Variants in PLXNA2 observed in about 807,000 individuals in gnomAD.
The protein encoded by PLXNA2 is plexin-A2.
A neutral mutation model predicts 193.5 loss-of-function variants in PLXNA2; 91 were observed. The ratio of observed to expected loss-of-function variants is 0.47; its 90% CI spans 0.40 to 0.56. The LOEUF (loss-of-function observed/expected upper bound fraction) is 0.56, where lower values mean the gene tolerates loss of function less well. Ranked by LOEUF, PLXNA2 falls within the 20% of genes least tolerant of loss-of-function variation. The pLI, the probability that PLXNA2 is intolerant of heterozygous loss-of-function variation, is 0.00. For synonymous variants in PLXNA2, 997 were observed against 1,027.3 expected (o/e 0.97, Z 0.56); for missense variants, 1,995 against 2,503.2 (o/e 0.80, Z 4.33).
chr1:208,226,966 A>G (rs1157130544), intron 1 of PLXNA2, among the ~76,000 whole-genome samples: 1 of 152,248 alleles, frequency 6.6e-6, no homozygotes, highest in Non-Finnish European at 1.5e-5. Flanking sequence ...CCTTCTGTGC[A>G]AACGGAGTCC....
intron 4 of PLXNA2, among the ~76,000 whole-genome samples, chr1:208,128,518 AC>A (rs869212763): frequency 2.9e-5 from 3 of 104,046 alleles, no homozygotes; most frequent in Non-Finnish European, 6.4e-5. Context: ...TAGAGAGGAT[AC>A]GCTAGGCCAT....
chr1:208,199,414 C>T (rs551014517), intron 3 of PLXNA2, among the ~76,000 whole-genome samples: 5 of 152,242 alleles, frequency 3.3e-5, no homozygotes, highest in Non-Finnish European at 5.9e-5. Flanking sequence ...TTCTTTAGGC[C>T]GGGCGCAGTG....
chr1:208,149,197 G>C (rs1003037959), intron 3 of PLXNA2, among the ~76,000 whole-genome samples: 7 of 152,030 alleles, frequency 4.6e-5, no homozygotes, highest in Non-Finnish European at 8.8e-5. Context: ...TGTGGTGTGT[G>C]TATGAGTCTG....
chr1:208,211,632 G>A (rs1015181347), intron 2 of PLXNA2, among the ~76,000 whole-genome samples: 4 of 151,236 alleles, frequency 2.6e-5, no homozygotes, highest in East Asian at 1.9e-4. Flanking sequence ...GGCGGAGGTT[G>A]CAGTGAGCCG....
intron 3 of PLXNA2, among the ~76,000 whole-genome samples, chr1:208,202,819 C>T (rs986316822): frequency 3.9e-5 from 6 of 152,150 alleles, no homozygotes; most frequent in African/African-American, 9.7e-5. Context: ...AATAAAGCCC[C>T]GAGCTGCAGG....
intron 12 of PLXNA2, among the ~76,000 whole-genome samples, chr1:208,061,544 T>G (rs1323476740): frequency 6.6e-6 from 1 of 152,154 alleles, no homozygotes; most frequent in East Asian, 1.9e-4. Flanking sequence ...GAAAGTGCAC[T>G]TGACACTGTT....
chr1:208,104,317 G>C (rs577459187), intron 4 of PLXNA2, among the ~76,000 whole-genome samples: 2 of 152,306 alleles, frequency 1.3e-5, no homozygotes, highest in East Asian at 3.9e-4. Flanking sequence ...TGTTCACTCA[G>C]CAAATGTTTA....
At chr1:208,098,781 G>C (rs1001199164) in intron 6 of PLXNA2, 65 bp downstream of exon 6, 116 of 1,557,348 alleles carry the variant, frequency 7.4e-5, no homozygotes, top group Non-Finnish European at 9.6e-5. Context: ...AGCGTGAATG[G>C]AGCACACCCA....
intron 1 of PLXNA2, among the ~76,000 whole-genome samples, chr1:208,221,914 T>C (rs1572049789): frequency 6.6e-6 from 1 of 152,232 alleles, no homozygotes; most frequent in African/African-American, 2.4e-5. Context: ...TTCTATGATG[T>C]TATCTAACTA....
chr1:208,092,715 G>T, intron 9 of PLXNA2, 71 bp downstream of exon 9: 1 of 1,068,094 alleles, frequency 9.4e-7, no homozygotes, highest in Non-Finnish European at 1.4e-6. Flanking sequence ...CCATTGGACT[G>T]ACCATCTAAA....
intron 4 of PLXNA2, among the ~76,000 whole-genome samples, chr1:208,115,753 C>T (rs984819276): frequency 1.3e-5 from 2 of 152,272 alleles, no homozygotes; most frequent in African/African-American, 4.8e-5. Flanking sequence ...ACCTCCCAAA[C>T]TATAATGAAA....
rs1213177558 is a variant in PLXNA2, at chr1:208,142,342, A to G, written c.1493T>C (p.Met498Thr). 2 of 1,601,606 alleles carry G rather than the reference A, an allele frequency of 1.2e-6. No homozygotes were observed. The highest frequency in any genetic ancestry group is 1.7e-6 in the Non-Finnish European group (2 of 1,175,932). Residue 498 changes from methionine to threonine, a missense_variant, in exon 4 of 32, where the codon ATG (methionine) becomes ACG (threonine). Physicochemically the swap from Met to Thr is moderately conservative, Grantham distance 81. This residue lies in a region of PLXNA2 where 702 missense variants were observed against 812.9 expected (regional missense o/e 0.86). Coordinates refer to ENST00000367033, the MANE Select transcript of PLXNA2 (RefSeq NM_025179.4). Reference protein sequence around the residue: ...FSIDQRYLYVMSERQVTRVPV... With the variant: ...FSIDQRYLYVTSERQVTRVPV... Reference sequence around the variant, plus strand: ...GTTAGCACTTACCTGTCTCTCAGACATGACGTACAGGTAGCGCTGATCAAT... The same window carrying G: ...GTTAGCACTTACCTGTCTCTCAGACGTGACGTACAGGTAGCGCTGATCAAT...
intron 26 of PLXNA2, among the ~76,000 whole-genome samples, chr1:208,037,594 T>C (rs1664712804): frequency 6.6e-6 from 1 of 152,210 alleles, no homozygotes; most frequent in South Asian, 2.1e-4. Context: ...GTTTCTATTT[T>C]AGTATTTTTT....
In PLXNA2 at chr1:208,082,483, C is replaced by T; in HGVS notation, c.2324G>A (p.Ser775Asn). Residue 775 changes from serine (S) to asparagine (N), a missense_variant, in exon 11 of 32, where the codon AGC becomes AAC. Coordinates refer to ENST00000367033, the MANE Select transcript of PLXNA2 (RefSeq NM_025179.4). This position sits in a 1 kb window ranked among gnomAD's most constrained non-coding sequence, Gnocchi z 4.2. ...CACAGCGAAATCCACGGCCAGATTG[C>T]TGATGTCCATGCCATCATACTGGTA... is the stretch of plus-strand genomic sequence containing the variant. ...SSYQYDGMDI[S>N]NLAVDFAVVW... 13 of 1,614,022 alleles carry T rather than the reference C, an allele frequency of 8.1e-6. 1 individual carries two copies. Among genetic ancestry groups the T allele is most frequent in the Non-Finnish European group, 1.1e-5 (13 of 1,179,954 alleles).
chr1:208,169,002 T>C (rs1366127888), intron 3 of PLXNA2, among the ~76,000 whole-genome samples: 1 of 152,086 alleles, frequency 6.6e-6, no homozygotes, highest in African/African-American at 2.4e-5. Flanking sequence ...GATGGTTTTC[T>C]ATAAGGCCAA....
chr1:208,240,588 C>A (rs1672014598), intron 1 of PLXNA2, among the ~76,000 whole-genome samples: 1 of 152,128 alleles, frequency 6.6e-6, no homozygotes, highest in South Asian at 2.1e-4. Context: ...TGATAACAGA[C>A]TGCCCCTGGG....
intron 1 of PLXNA2, among the ~76,000 whole-genome samples, chr1:208,240,467 T>G (rs1368771350): frequency 1.3e-5 from 2 of 152,194 alleles, no homozygotes; most frequent in East Asian, 3.8e-4. Context: ...TAATCAGGCA[T>G]GAAATCTTTG....
chr1:208,028,761 GTGATGACTATAGA>G lies in PLXNA2; in HGVS notation c.5438+56_5438+68del. On this transcript the variant is annotated intron_variant, in intron 30 of 31. Transcript: ENST00000367033. The surrounding 1 kb of genome is among the most constrained non-coding windows in gnomAD (Gnocchi z 4.2). ...ACACCGTCGTCTGAGTCCTTAGTCA[GTGATGACTATAGA>G]GCGGGGAATGGGCAGGGAGACAAGG... The G allele has an allele frequency of 7.2e-7, 1 of 1,397,536 alleles. No individual in the cohort carries two copies. Among genetic ancestry groups the G allele is most frequent in the Non-Finnish European group, 9.9e-7 (1 of 1,005,452 alleles). The allele number at this position is 1,397,536 out of a possible 1,614,324, so 86.6% of individuals were successfully genotyped here. A position where few individuals can be genotyped will look rare whatever the true frequency, so the allele number is the denominator to read the frequency against.
chr1:208,198,639 T>C (rs1215785434), intron 3 of PLXNA2, among the ~76,000 whole-genome samples: 1 of 152,172 alleles, frequency 6.6e-6, no homozygotes, highest in African/African-American at 2.4e-5. Flanking sequence ...AGGTGACAGC[T>C]GCCATGTCCC....
Sources: allele counts gnomAD v4.1 joint callset (sites outside exome capture counted in the v4.1 genomes callset), GRCh38; gene constraint gnomAD v4.1.1; regional missense constraint gnomAD v4.1.1; non-coding constraint Gnocchi (gnomAD v3.1); transcripts MANE v1.5; gene names NCBI Gene and HGNC (gene_info 2026-07-23, HGNC 2026-07-21).